Variants in UBE3C observed in about 807,000 individuals in gnomAD.
UBE3C encodes the protein ubiquitin protein ligase E3C, also known as ubiquitin-protein ligase E3C.
A neutral mutation model predicts 129.4 loss-of-function variants in UBE3C; 42 were observed. That is an observed-to-expected ratio of 0.32 (90% CI 0.25 to 0.42). UBE3C has a LOEUF of 0.42. UBE3C is among the 10% of genes least tolerant of loss of function. UBE3C has a pLI of 1.00. For missense variants in UBE3C, 1,049 were observed against 1,319.1 expected, an observed-to-expected ratio of 0.80 and a Z score of 3.17; for synonymous variants, 510 against 492.4, an observed-to-expected ratio of 1.04 and a Z score of -0.47.
intron 11 of UBE3C, among the ~76,000 whole-genome samples, chr7:157,206,634 G>C (rs965695101): frequency 1.3e-5 from 2 of 151,766 alleles, no homozygotes; most frequent in Admixed American, 1.3e-4. Context: ...TGTTCCCCAG[G>C]CTGGAGTGCA....
chr7:157,146,125 GTTTT>G (rs1325702394), intron 1 of UBE3C, among the ~76,000 whole-genome samples: 1 of 152,010 alleles, frequency 6.6e-6, no homozygotes, highest in Non-Finnish European at 1.5e-5. Context: ...AATTTTTGAA[GTTTT>G]TTTGTTTGTG....
At chr7:157,167,561 G>A (rs550965813) in intron 2 of UBE3C, among the ~76,000 whole-genome samples, 3 of 149,590 alleles carry the variant, frequency 2.0e-5, no homozygotes, top group South Asian at 2.1e-4. Flanking sequence ...TTTTTGAGAC[G>A]GAGTCTCACT....
At chr7:157,224,255 C>T (rs1171862604) in intron 16 of UBE3C, among the ~76,000 whole-genome samples, 1 of 151,946 alleles carries the variant, frequency 6.6e-6, no homozygotes, top group Non-Finnish European at 1.5e-5. Context: ...AGTGCAGAGG[C>T]GCGATCTTGG....
chr7:157,258,231 G>A (rs1276646099), intron 22 of UBE3C, among the ~76,000 whole-genome samples: 3 of 152,010 alleles, frequency 2.0e-5, no homozygotes, highest in African/African-American at 7.2e-5. Flanking sequence ...ACAGGTGTGA[G>A]CCACCACACC....
intron 9 of UBE3C, 52 bp from the exon 10 acceptor site, chr7:157,186,782 G>C: frequency 1.3e-6 from 2 of 1,596,062 alleles, no homozygotes; most frequent in Non-Finnish European, 1.7e-6. Context: ...TAGTGTAGAG[G>C]ACGTTCCAGT....
chr7:157,207,369 G>A (rs1192012692), intron 11 of UBE3C, 29 bp from the exon 12 acceptor site: 1 of 1,588,634 alleles, frequency 6.3e-7, no homozygotes, highest in East Asian at 2.2e-5. Flanking sequence ...TAAAGTGACT[G>A]GTTTTTTTCT....
chr7:157,254,386 TTTAA>T, intron 21 of UBE3C, 76 bp downstream of exon 21: 1 of 768,558 alleles, frequency 1.3e-6, no homozygotes. Flanking sequence ...TTTATTTTAT[TTTAA>T]TTAATTTATT....
chr7:157,151,920 G>C (rs1807766681), intron 1 of UBE3C, among the ~76,000 whole-genome samples: 1 of 152,162 alleles, frequency 6.6e-6, no homozygotes, highest in South Asian at 2.1e-4. Context: ...GAACTCTTCT[G>C]CACAGCCTCG....
At chr7:157,242,514 G>GTTTT (rs33913991) in intron 18 of UBE3C, among the ~76,000 whole-genome samples, 26 of 112,116 alleles carry the variant, frequency 2.3e-4, no homozygotes, top group African/African-American at 6.2e-4. Context: ...AGCCTGAGTT[G>GTTTT]TTTTTTTTTT....
chr7:157,242,858 C>G (rs943323118), intron 18 of UBE3C, among the ~76,000 whole-genome samples: 1 of 151,988 alleles, frequency 6.6e-6, no homozygotes. Context: ...AGTTCTAGAC[C>G]AGCCTGACCA....
chr7:157,198,031 G>A, intron 10 of UBE3C: 1 of 1,604,374 alleles, frequency 6.2e-7, no homozygotes, highest in Non-Finnish European at 8.5e-7. Flanking sequence ...TGGCCACCAT[G>A]AACAAGGCAC....
chr7:157,266,558 T>C (rs1797084181), intron 22 of UBE3C, among the ~76,000 whole-genome samples: 1 of 152,242 alleles, frequency 6.6e-6, no homozygotes. Flanking sequence ...TAGTGGTCAC[T>C]TATCACTGCC....
At chr7:157,165,907 G>A (rs1219337926) in intron 2 of UBE3C, among the ~76,000 whole-genome samples, 2 of 152,008 alleles carry the variant, frequency 1.3e-5, no homozygotes, top group Admixed American at 6.6e-5. Context: ...AATCTGATGG[G>A]GTTTCCTTTA....
intron 5 of UBE3C, among the ~76,000 whole-genome samples, chr7:157,176,173 A>C (rs1208793041): frequency 1.3e-5 from 2 of 152,216 alleles, no homozygotes; most frequent in African/African-American, 4.8e-5. Flanking sequence ...TAATACCAGA[A>C]ACACCTGAAG....
At chr7:157,174,879 T>A (rs773082996) in intron 4 of UBE3C, 40 bp from the exon 5 acceptor site, 1 of 1,482,794 alleles carries the variant, frequency 6.7e-7, no homozygotes, top group African/African-American at 1.4e-5. Flanking sequence ...ACTATTAAAT[T>A]TTCATTGAGA....
rs767354440 is a variant in UBE3C at position 157,253,922 on chromosome 7, G to A, written c.2695-32G>A. The A allele has an allele frequency of 3.2e-6, 5 of 1,539,296 alleles. No homozygotes were observed. In the Admixed American group the frequency reaches 8.3e-5, roughly 26 times the overall value. ...TTTTAACCTATTATCATACTTTGAG[G>A]ATTTTGAGATCCTTACGTTTTGTAT... is the stretch of plus-strand genomic sequence containing the variant. On this transcript the variant is annotated intron_variant, in intron 19 of 22. Coordinates refer to ENST00000348165, the MANE Select transcript of UBE3C (RefSeq NM_014671.3).
intron 5 of UBE3C, among the ~76,000 whole-genome samples, chr7:157,177,944 TAAGA>T (rs1808566368): frequency 2.7e-5 from 4 of 149,298 alleles, no homozygotes; most frequent in African/African-American, 7.5e-5. Flanking sequence ...TTTTTTTTTT[TAAGA>T]AAAAGGAAAA....
At chr7:157,217,831 C>T (rs1795624130) in intron 14 of UBE3C, among the ~76,000 whole-genome samples, 1 of 151,266 alleles carries the variant, frequency 6.6e-6, no homozygotes, top group South Asian at 2.1e-4. Flanking sequence ...GAGCGAAATT[C>T]CGTCTCAAAA....
intron 18 of UBE3C, among the ~76,000 whole-genome samples, chr7:157,245,420 T>C (rs989185070): frequency 6.6e-6 from 1 of 152,232 alleles, no homozygotes; most frequent in African/African-American, 2.4e-5. Flanking sequence ...CCCCTTGGCT[T>C]TGAACTCGTC....
Sources: gnomAD v4.1 joint callset for allele counts (sites outside exome capture counted in the v4.1 genomes callset) on GRCh38, gnomAD v4.1.1 for gene constraint, MANE v1.5 for transcripts, NCBI Gene and HGNC (gene_info 2026-07-23, HGNC 2026-07-21) for gene names.